RPE65: variants seen among roughly 807,000 people sequenced by gnomAD.
RPE65 encodes the protein retinoid isomerohydrolase.
RPE65 carries 58 observed loss-of-function variants against 68.5 expected under a neutral mutation model. That is an observed-to-expected ratio of 0.85 (90% confidence interval 0.69 to 1.05). The LOEUF is 1.05. RPE65 is among the 50% of genes least tolerant of loss of function. The pLI is 0.00. For synonymous variants in RPE65, 220 were observed against 222.2 expected, an observed-to-expected ratio of 0.99 and a Z score of 0.09; for missense variants, 643 against 629.9, an observed-to-expected ratio of 1.02 and a Z score of -0.22.
At chr1:68,449,747 A>G (rs1645969585) in intron 1 of RPE65, 148 bp downstream of exon 1, 1 of 876,286 alleles carries the variant, frequency 1.1e-6, no homozygotes, top group Non-Finnish European at 1.8e-6. Context: ...GCTTTAATAC[A>G]TAAGCAGGAA....
In RPE65 at chr1:68,444,552, C is replaced by G. The variant is rs1645927491; in HGVS notation, c.474G>C (p.Glu158Asp). The change falls in exon 5 of 14, where the codon GAG becomes GAC. Residue 158 changes from glutamate (E) to aspartate (D), a missense_variant. Glu to Asp is a conservative substitution (Grantham distance 45, BLOSUM62 2). Coordinates refer to ENST00000262340, the MANE Select transcript of RPE65 (RefSeq NM_000329.3). ...CCACCTGCTTAATTGTCTCCAAGGT[C>G]TCTGGATTAATCTTTGTAATAAAGT... ...ETNFITKINPETLETIKQVDL... is the reference protein window; with the variant it reads ...ETNFITKINPDTLETIKQVDL... The G allele has an allele frequency of 4.3e-6, 7 of 1,614,016 alleles. No individual in the cohort carries two copies. Among genetic ancestry groups the G allele is most frequent in the Non-Finnish European group, 5.9e-6 (7 of 1,180,016 alleles).
At chr1:68,443,977 A>G (rs1383135535) in intron 5 of RPE65, among the ~76,000 whole-genome samples, 1 of 152,204 alleles carries the variant, frequency 6.6e-6, no homozygotes, top group Non-Finnish European at 1.5e-5. Flanking sequence ...AGTGCAACAT[A>G]CTTGCCTAGA....
chr1:68,430,458 T>C (rs1388819361), intron 13 of RPE65, among the ~76,000 whole-genome samples: 1 of 152,234 alleles, frequency 6.6e-6, no homozygotes, highest in Non-Finnish European at 1.5e-5. Context: ...TCATTTAGTG[T>C]GAAATGGCTC....
At position 68,438,257 on chromosome 1, in the gene RPE65, A is replaced by T; in HGVS notation, c.1058T>A (p.Val353Glu). 6.2e-7 allele frequency: 1 copy of T among 1,613,714 alleles called. No individual in the cohort carries two copies. Among genetic ancestry groups the T allele is most frequent in the South Asian group, 1.1e-5 (1 of 91,074 alleles). Residue 353 changes from valine (V) to glutamate (E), a missense_variant, in exon 10 of 14, where the codon GTG becomes GAG. Coordinates refer to ENST00000262340, the MANE Select transcript of RPE65 (RefSeq NM_000329.3). ...GGGAGCCTTTCTGGCATTTTTTTTC[A>T]CCTCTTCCCAGTTCTCACGTAAATT... is the stretch of plus-strand genomic sequence containing the variant. ...LANLRENWEE[V>E]KKNARKAPQP...
At chr1:68,440,062 T>A (rs897521737) in intron 6 of RPE65, among the ~76,000 whole-genome samples, 4 of 152,192 alleles carry the variant, frequency 2.6e-5, no homozygotes, top group African/African-American at 9.6e-5. Flanking sequence ...CATTAAAATT[T>A]ACTCACTAGT....
rs1005354775 is a variant in RPE65, at chr1:68,449,270, T to C, written c.12-564A>G. On this transcript the variant is annotated intron_variant, in intron 1 of 13. Transcript: ENST00000262340. ...TCACTCATATTATACCATAATTTTT[T>C]CCCCATCATCTCATTTCTCTACCAA... Among the ~76,000 whole-genome samples, 13 of 152,274 alleles carry C rather than the reference T, an allele frequency of 8.5e-5. No homozygotes were observed. The East Asian group carries it at 1.7e-3, about 20-fold the overall frequency.
In RPE65 at chr1:68,438,227, G is replaced by T. The variant is rs1158240863; in HGVS notation, c.1088C>A (p.Pro363His). The T allele has an allele frequency of 3.7e-6, 6 of 1,613,958 alleles. No individual in the cohort carries two copies. The highest frequency in any genetic ancestry group is 4.2e-6 in the Non-Finnish European group (5 of 1,179,954). The part of the protein sequence containing the change: ...VKKNARKAPQ[P>H]EVRRYVLPLN... ...AGGAAGTACATATCTCCTAACTTCA[G>T]GTTGGGGAGCCTTTCTGGCATTTTT... The change falls in exon 10 of 14, where the codon CCT becomes CAT. Residue 363 changes from proline (P) to histidine (H), a missense_variant. By Grantham distance (77) the Pro-to-His change is moderately conservative. Coordinates refer to ENST00000262340, the MANE Select transcript of RPE65 (RefSeq NM_000329.3).
At position 68,439,190 on chromosome 1, in the gene RPE65, C is replaced by A. The variant is rs61752899; in HGVS notation, c.858+1G>T. ...ACTTGACAAATATATCTAAGACTTA[C>A]CCCCATGGTTTCATTGGACTCAAAA... On this transcript the variant is annotated splice_donor_variant, in intron 8 of 13. Coordinates refer to ENST00000262340, the MANE Select transcript of RPE65 (RefSeq NM_000329.3). LOFTEE classifies it high-confidence loss of function. 1.2e-6 allele frequency: 2 copies of A among 1,614,046 alleles called. No homozygotes were observed. Among genetic ancestry groups the A allele is most frequent in the East Asian group, 2.2e-5 (1 of 44,868 alleles).
Position 68,449,935 on chromosome 1 carries a change from G to T in RPE65, c.-30C>A, listed in dbSNP as rs1435423887. The T allele has an allele frequency of 6.2e-7, 1 of 1,613,814 alleles. No individual in the cohort carries two copies. Among genetic ancestry groups the T allele is most frequent in the African/African-American group, 1.3e-5 (1 of 75,034 alleles). Reference sequence around the variant, plus strand: ...TTCCAGTTCAGGATCCAGAGTTCTGGCACCAACTGCAGAATGAAGAAGGAA... The same window carrying T: ...TTCCAGTTCAGGATCCAGAGTTCTGTCACCAACTGCAGAATGAAGAAGGAA... On this transcript the variant is annotated 5_prime_UTR_variant, in exon 1 of 14. Coordinates refer to ENST00000262340, the MANE Select transcript of RPE65 (RefSeq NM_000329.3).
At chr1:68,432,380 C>T (rs1311436083) in intron 10 of RPE65, among the ~76,000 whole-genome samples, 1 of 151,936 alleles carries the variant, frequency 6.6e-6, no homozygotes, top group Non-Finnish European at 1.5e-5. Flanking sequence ...AGATCAGAAA[C>T]GTGAAGGGTA....
chr1:68,432,012 A>T (rs924306636), intron 10 of RPE65, among the ~76,000 whole-genome samples: 1 of 151,876 alleles, frequency 6.6e-6, no homozygotes, highest in Non-Finnish European at 1.5e-5. Flanking sequence ...TCACACGTAG[A>T]ATATGTTTTG....
chr1:68,434,591 A>T (rs1423633934), intron 10 of RPE65, among the ~76,000 whole-genome samples: 1 of 152,154 alleles, frequency 6.6e-6, no homozygotes, highest in Non-Finnish European at 1.5e-5. Context: ...ACATGTATGC[A>T]TATTTATGTA....
At chr1:68,429,956 T>A in intron 13 of RPE65, 29 bp from the exon 14 acceptor site, 1 of 1,613,082 alleles carries the variant, frequency 6.2e-7, no homozygotes. Context: ...TTAGGCAATA[T>A]TGAGTTTTTA....
At chr1:68,440,095 A>C (rs1645890988) in intron 6 of RPE65, among the ~76,000 whole-genome samples, 1 of 152,208 alleles carries the variant, frequency 6.6e-6, no homozygotes, top group Admixed American at 6.5e-5. Context: ...CTCAAACTTT[A>C]GTGTGCATCA....
At position 68,431,391 on chromosome 1, in the gene RPE65, A is replaced by G; in HGVS notation, c.1244-15T>C. ...AAACTCAAATGCTACGAAATAGAGCACATGCTTAGGAAAACTCTTAATCTC... is the reference window on the plus strand; with the variant it reads ...AAACTCAAATGCTACGAAATAGAGCGCATGCTTAGGAAAACTCTTAATCTC... On this transcript the variant is annotated splice_polypyrimidine_tract_variant and intron_variant, in intron 11 of 13. Coordinates refer to ENST00000262340, the MANE Select transcript of RPE65 (RefSeq NM_000329.3). 6.2e-7 allele frequency: 1 copy of G among 1,613,498 alleles called. No homozygotes were observed.
intron 10 of RPE65, among the ~76,000 whole-genome samples, chr1:68,436,976 T>G (rs922837347): frequency 3.9e-5 from 6 of 152,194 alleles, no homozygotes; most frequent in Admixed American, 1.3e-4. Flanking sequence ...TTAACTCAAC[T>G]ACTTATTCCC....
intron 10 of RPE65, among the ~76,000 whole-genome samples, chr1:68,433,940 G>T (rs374684549): frequency 6.6e-6 from 1 of 152,054 alleles, no homozygotes; most frequent in African/African-American, 2.4e-5. Context: ...GAGAGAGTGA[G>T]AAAGTACTGT....
At chr1:68,432,332 T>G (rs969969368) in intron 10 of RPE65, among the ~76,000 whole-genome samples, 2 of 152,058 alleles carry the variant, frequency 1.3e-5, no homozygotes, top group African/African-American at 4.8e-5. Context: ...TTTTATAATA[T>G]ACCACAAATG....
chr1:68,437,158 C>T lies in RPE65; in HGVS notation c.1128+1029G>A, dbSNP rs539667303. On this transcript the variant is annotated intron_variant, in intron 10 of 13. Transcript: ENST00000262340. ...CACATTTAAAATACTTAAATGGCTC[C>T]CTATATTTATATAACACTCAAAGGC... Among the ~76,000 whole-genome samples, 28 of 152,202 alleles carry T rather than the reference C, an allele frequency of 1.8e-4. 1 individual carries two copies. The East Asian group carries it at 5.0e-3, about 27-fold the overall frequency.
Sources: gnomAD v4.1 joint callset for allele counts (sites outside exome capture counted in the v4.1 genomes callset) on GRCh38, gnomAD v4.1.1 for gene constraint, MANE v1.5 for transcripts, NCBI Gene and HGNC (gene_info 2026-07-23, HGNC 2026-07-21) for gene names.